PTH2R: variants seen among roughly 807,000 people sequenced by gnomAD.
PTH2R encodes parathyroid hormone 2 receptor.
Under a neutral mutation model 60.3 loss-of-function variants are expected in PTH2R, and 59 were observed. That is an observed-to-expected ratio of 0.98 (90% CI 0.79 to 1.22). The LOEUF (loss-of-function observed/expected upper bound fraction) is 1.22. Ranked by LOEUF, PTH2R falls within the 50% of genes most tolerant of loss-of-function variation. PTH2R has a pLI of 0.00. For synonymous variants in PTH2R, 256 were observed against 243.8 expected (o/e 1.05, Z -0.47); for missense variants, 749 against 682.6 (o/e 1.10, Z -1.08).
intron 11 of PTH2R, among the ~76,000 whole-genome samples, 163 bp from the exon 12 acceptor site, chr2:208,490,476 T>A (rs1056525399): frequency 1.3e-5 from 2 of 152,226 alleles, no homozygotes; most frequent in Non-Finnish European, 2.9e-5. Flanking sequence ...ACAAATTTAA[T>A]GTAAACATAA....
intron 8 of PTH2R, among the ~76,000 whole-genome samples, chr2:208,455,559 A>G (rs549283687): frequency 6.6e-6 from 1 of 152,316 alleles, no homozygotes; most frequent in African/African-American, 2.4e-5. Context: ...GTCATTTTAT[A>G]TTTAATTTTG....
chr2:208,439,727 A>C (rs923639081), intron 4 of PTH2R, among the ~76,000 whole-genome samples: 4 of 152,148 alleles, frequency 2.6e-5, no homozygotes, highest in Non-Finnish European at 5.9e-5. Flanking sequence ...TTAGAGTGTG[A>C]TATTTAAAAC....
chr2:208,392,985 C>T (rs1296047993), intron 1 of PTH2R, among the ~76,000 whole-genome samples: 1 of 152,206 alleles, frequency 6.6e-6, no homozygotes, highest in African/African-American at 2.4e-5. Flanking sequence ...AAGGAAGGTT[C>T]GTATTGCTGT....
chr2:208,365,942 A>T (rs1559198736), intron 1 of PTH2R, among the ~76,000 whole-genome samples: 2 of 14,712 alleles, frequency 1.4e-4, no homozygotes, highest in African/African-American at 3.4e-4. Context: ...ATATATATAT[A>T]TATATATATA....
chr2:208,474,180 TC>T (rs1702946790), intron 9 of PTH2R, among the ~76,000 whole-genome samples: 1 of 152,230 alleles, frequency 6.6e-6, no homozygotes, highest in Admixed American at 6.5e-5. Context: ...TATTGTAATA[TC>T]TACTTCATAG....
At chr2:208,461,000 CT>C (rs1702622720) in intron 9 of PTH2R, among the ~76,000 whole-genome samples, 1 of 151,996 alleles carries the variant, frequency 6.6e-6, no homozygotes, top group Non-Finnish European at 1.5e-5. Context: ...CAGATAAAAG[CT>C]TATTTACCTC....
At chr2:208,390,249 C>T (rs1281607036) in intron 1 of PTH2R, among the ~76,000 whole-genome samples, 1 of 152,186 alleles carries the variant, frequency 6.6e-6, no homozygotes. Flanking sequence ...TTTTTCCCAG[C>T]CTGAGGGTGT....
intron 1 of PTH2R, among the ~76,000 whole-genome samples, chr2:208,409,702 G>A (rs1701500756): frequency 6.6e-6 from 1 of 152,158 alleles, no homozygotes; most frequent in Non-Finnish European, 1.5e-5. Context: ...AAGGGTCTCT[G>A]TGGTTTCTGG....
chr2:208,430,517 G>A (rs1244033671), intron 2 of PTH2R, among the ~76,000 whole-genome samples: 2 of 140,088 alleles, frequency 1.4e-5, no homozygotes, highest in Non-Finnish European at 3.1e-5. Context: ...CTCAGCCTTT[G>A]TTGGTGATTA....
chr2:208,406,128 A>AT (rs1431814602), upstream of PTH2R, among the ~76,000 whole-genome samples: 1 of 152,246 alleles, frequency 6.6e-6, no homozygotes, highest in African/African-American at 2.4e-5. Context: ...CAGCTAGCAC[A>AT]TGGCAGAGCC....
At chr2:208,413,000 C>T (rs928056727) in intron 1 of PTH2R, among the ~76,000 whole-genome samples, 2 of 151,980 alleles carry the variant, frequency 1.3e-5, no homozygotes, top group African/African-American at 4.8e-5. Flanking sequence ...CATTCTCTTT[C>T]TCTCTCACTA....
intron 1 of PTH2R, among the ~76,000 whole-genome samples, chr2:208,411,771 C>G (rs552397275): frequency 1.7e-4 from 26 of 152,218 alleles, no homozygotes; most frequent in African/African-American, 5.8e-4. Context: ...AATTTCATCT[C>G]TTGGTTGTCT....
intron 2 of PTH2R, among the ~76,000 whole-genome samples, chr2:208,429,422 A>T (rs1443780307): frequency 6.6e-6 from 1 of 152,204 alleles, no homozygotes; most frequent in African/African-American, 2.4e-5. Context: ...GTTTAGAAAT[A>T]TTAGATTTCC....
chr2:208,390,191 T>G (rs1701081086), intron 1 of PTH2R, among the ~76,000 whole-genome samples: 1 of 152,172 alleles, frequency 6.6e-6, no homozygotes. Context: ...TGTGGTCCTT[T>G]CCCGCTACTT....
At chr2:208,369,001 T>G (rs1464692778) in intron 1 of PTH2R, among the ~76,000 whole-genome samples, 1 of 151,168 alleles carries the variant, frequency 6.6e-6, no homozygotes, top group Non-Finnish European at 1.5e-5. Flanking sequence ...TATTTCAATG[T>G]GAGTGAATGT....
At chr2:208,395,054 AT>A (rs201251376) in intron 1 of PTH2R, among the ~76,000 whole-genome samples, 56 of 145,546 alleles carry the variant, frequency 3.8e-4, no homozygotes, top group East Asian at 6.0e-4. Context: ...TTTCTTTTTT[AT>A]TTTTTTTTTT....
chr2:208,382,519 T>C (rs753819621), intron 1 of PTH2R, among the ~76,000 whole-genome samples: 1 of 152,160 alleles, frequency 6.6e-6, no homozygotes, highest in Non-Finnish European at 1.5e-5. Flanking sequence ...AGTGTAGGAA[T>C]TGCCTAGGTA....
chr2:208,482,900 G>A (rs1484532294), intron 10 of PTH2R, among the ~76,000 whole-genome samples: 3 of 152,184 alleles, frequency 2.0e-5, no homozygotes, highest in African/African-American at 7.2e-5. Context: ...TTGGTGATGT[G>A]AAGCCTCCCT....
intron 1 of PTH2R, among the ~76,000 whole-genome samples, chr2:208,362,697 G>A (rs1700501135): frequency 6.6e-6 from 1 of 152,322 alleles, no homozygotes; most frequent in South Asian, 2.1e-4. Context: ...CCCAGAAGTG[G>A]ATTGCTGGAT....
Sources: gnomAD v4.1 joint callset for allele counts (sites outside exome capture counted in the v4.1 genomes callset) on GRCh38, gnomAD v4.1.1 for gene constraint, MANE v1.5 for transcripts, NCBI Gene and HGNC (gene_info 2026-07-23, HGNC 2026-07-21) for gene names.